The following L3HYPDH variants were observed in gnomAD, a reference collection of about 807,000 sequenced individuals.
L3HYPDH encodes trans-L-3-hydroxyproline dehydratase.
L3HYPDH carries 32 observed loss-of-function variants against 26.5 expected under a neutral mutation model. The ratio of observed to expected loss-of-function variants is 1.21; its 90% CI spans 0.91 to 1.62. The LOEUF (loss-of-function observed/expected upper bound fraction) is 1.62, where lower values mean the gene tolerates loss of function less well. Ranked by LOEUF, L3HYPDH falls within the 40% of genes most tolerant of loss-of-function variation. L3HYPDH has a pLI of 0.00. For synonymous variants in L3HYPDH, 215 were observed against 196.6 expected (o/e 1.09, Z -0.78); for missense variants, 554 against 476.4 (o/e 1.16, Z -1.52).
the L3HYPDH span, among the ~76,000 whole-genome samples, chr14:59,493,367 T>C: frequency 6.6e-6 from 1 of 152,234 alleles, no homozygotes; most frequent in Non-Finnish European, 1.5e-5. Context: ...TTTTAAATGC[T>C]GCAGCATGGT....
the L3HYPDH span, among the ~76,000 whole-genome samples, chr14:59,491,507 A>G: frequency 2.1e-3 from 322 of 152,334 alleles, 1 homozygote; most frequent in African/African-American, 6.9e-3. Context: ...TATTAATTCT[A>G]TAAGGAAGCA....
downstream of L3HYPDH, chr14:59,472,527 A>C (rs1889344014): frequency 6.5e-6 from 1 of 153,168 alleles, no homozygotes; most frequent in African/African-American, 2.4e-5. Context: ...ATAATAATCC[A>C]TCTCCTTTAC....
At chr14:59,469,389 C>T (rs1219571363), downstream of L3HYPDH, among the ~76,000 whole-genome samples, 9 of 151,788 alleles carry the variant, frequency 5.9e-5, no homozygotes, top group Non-Finnish European at 1.2e-4. Flanking sequence ...CCCGTCTCTA[C>T]TAAAAATACA....
intron 1 of L3HYPDH, among the ~76,000 whole-genome samples, chr14:59,465,952 A>C (rs775044512): frequency 2.6e-5 from 4 of 152,164 alleles, no homozygotes; most frequent in Non-Finnish European, 4.4e-5. Context: ...GGTGATGATG[A>C]TGCTGGTCCC....
the L3HYPDH span, among the ~76,000 whole-genome samples, chr14:59,493,681 A>G: frequency 1.3e-5 from 2 of 152,360 alleles, no homozygotes; most frequent in African/African-American, 2.4e-5. Context: ...ACTGTGACAT[A>G]GCTCAGACCA....
rs748318776 is a variant in L3HYPDH, at chr14:59,483,805, T to C, written c.508+4A>G. ...CCCTGGGCTGGAAAGGTCCCGCCCA[T>C]TACCTGTGGCCAGCACGAAGGCCGG... On this transcript the variant is annotated splice_donor_region_variant and intron_variant, in intron 1 of 4. Transcript: ENST00000247194. 26 of 1,592,698 alleles carry C rather than the reference T, an allele frequency of 1.6e-5. No individual in the cohort carries two copies. The South Asian group carries it at 2.9e-4, about 18-fold the overall frequency.
chr14:59,480,166 A>C (rs1206879788), intron 1 of L3HYPDH, among the ~76,000 whole-genome samples: 1 of 152,178 alleles, frequency 6.6e-6, no homozygotes, highest in Non-Finnish European at 1.5e-5. Context: ...TATTTTAGGG[A>C]AGCCTAAGCT....
the L3HYPDH span, among the ~76,000 whole-genome samples, chr14:59,490,436 T>C: frequency 6.6e-6 from 1 of 152,198 alleles, no homozygotes; most frequent in Non-Finnish European, 1.5e-5. Flanking sequence ...GTGAATCGTT[T>C]ATTGGTGAAG....
chr14:59,480,977 T>C (rs987665872), intron 1 of L3HYPDH, among the ~76,000 whole-genome samples: 2 of 152,152 alleles, frequency 1.3e-5, no homozygotes, highest in South Asian at 4.1e-4. Flanking sequence ...TTCCCTTGAT[T>C]GTAACAACTA....
chr14:59,487,130 G>C (rs1038588712), upstream of L3HYPDH: 1 of 175,554 alleles, frequency 5.7e-6, no homozygotes, highest in Non-Finnish European at 1.2e-5. Flanking sequence ...TTGAACCTAG[G>C]AGGTGGAGGT....
At chr14:59,498,806 G>C in the L3HYPDH span, 1 of 1,609,820 alleles carries the variant, frequency 6.2e-7, no homozygotes, top group Non-Finnish European at 8.5e-7. Context: ...GAAGAAGATT[G>C]CATGTGGGTT....
At chr14:59,485,315 G>A, upstream of L3HYPDH, 2 of 491,306 alleles carry the variant, frequency 4.1e-6, no homozygotes, top group Non-Finnish European at 3.4e-6. Flanking sequence ...TATTAATTTA[G>A]AACATTGTGA....
intron 2 of L3HYPDH, among the ~76,000 whole-genome samples, chr14:59,478,445 G>A (rs1594911985): frequency 6.6e-6 from 1 of 152,032 alleles, no homozygotes; most frequent in Non-Finnish European, 1.5e-5. Context: ...TTAGCTGGGT[G>A]TGATGGGGCA....
the L3HYPDH span, among the ~76,000 whole-genome samples, chr14:59,490,715 C>G: frequency 6.6e-6 from 1 of 152,080 alleles, no homozygotes; most frequent in Non-Finnish European, 1.5e-5. Flanking sequence ...TTAAAAATAG[C>G]AGCTTTCATC....
the L3HYPDH span, chr14:59,498,795 TGAA>T: frequency 6.2e-7 from 1 of 1,604,630 alleles, no homozygotes; most frequent in Non-Finnish European, 8.5e-7. Context: ...CCTCTTCTGG[TGAA>T]GAAGATTGCA....
At chr14:59,495,496 G>A in the L3HYPDH span, among the ~76,000 whole-genome samples, 59,251 of 151,904 alleles carry the variant, frequency 0.39, 12,295 homozygotes, top group African/African-American at 0.52. Flanking sequence ...GCACTTTATA[G>A]TAAATGGCAT....
the L3HYPDH span, among the ~76,000 whole-genome samples, chr14:59,497,440 C>G: frequency 6.6e-6 from 1 of 152,128 alleles, no homozygotes; most frequent in Non-Finnish European, 1.5e-5. Context: ...AAACTAGTTT[C>G]CTAGTTCATT....
chr14:59,478,404 A>AAC (rs141101470), intron 2 of L3HYPDH, among the ~76,000 whole-genome samples: 48 of 151,770 alleles, frequency 3.2e-4, no homozygotes, highest in African/African-American at 7.2e-4. Context: ...TCTCTATATA[A>AAC]ACACACACAC....
chr14:59,481,115 A>G (rs1000518402), intron 1 of L3HYPDH, among the ~76,000 whole-genome samples: 2 of 152,164 alleles, frequency 1.3e-5, no homozygotes, highest in African/African-American at 4.8e-5. Context: ...TGGTTTTCTT[A>G]GGGTGGGCAG....
Sources: allele counts gnomAD v4.1 joint callset (sites outside exome capture counted in the v4.1 genomes callset), GRCh38; gene constraint gnomAD v4.1.1; transcripts MANE v1.5; gene names NCBI Gene and HGNC (gene_info 2026-07-23, HGNC 2026-07-21).